The following PLB1 variants were observed in gnomAD, a reference collection of about 807,000 sequenced individuals.
PLB1 encodes phospholipase B1.
In PLB1, 242 loss-of-function variants were observed where a neutral mutation model predicts 227.4. That is an observed-to-expected ratio of 1.06 (90% CI 0.96 to 1.18). The LOEUF (loss-of-function observed/expected upper bound fraction) is 1.18, where lower values mean the gene tolerates loss of function less well. Ranked by LOEUF, PLB1 falls within the 50% of genes most tolerant of loss-of-function variation. The pLI, the probability that PLB1 is intolerant of heterozygous loss-of-function variation, is 0.00. For missense variants in PLB1, 1,858 were observed against 1,816.3 expected (o/e 1.02, Z -0.42); for synonymous variants, 757 against 682.2 (o/e 1.11, Z -1.71).
At chr2:28,499,523 GTT>G (rs112085758) in intron 1 of PLB1, among the ~76,000 whole-genome samples, 5 of 136,714 alleles carry the variant, frequency 3.7e-5, no homozygotes, top group Admixed American at 7.4e-5. Flanking sequence ...CTGCACAACA[GTT>G]TTTTTTTTTT....
chr2:28,613,679 A>G (rs1038984051), intron 43 of PLB1, among the ~76,000 whole-genome samples: 3 of 152,126 alleles, frequency 2.0e-5, no homozygotes, highest in Admixed American at 6.5e-5. Flanking sequence ...CTGGAAGATT[A>G]AAAAAATGCT....
At chr2:28,553,229 G>T (rs1674522067) in intron 17 of PLB1, among the ~76,000 whole-genome samples, 1 of 152,194 alleles carries the variant, frequency 6.6e-6, no homozygotes. Context: ...GTTCTGCAAA[G>T]AACCCAATGT....
chr2:28,519,416 G>GA, intron 3 of PLB1, among the ~76,000 whole-genome samples: 1 of 152,368 alleles, frequency 6.6e-6, no homozygotes, highest in Middle Eastern at 3.4e-3. Context: ...GGGTCCAGGT[G>GA]AGGGGAAAAT....
At chr2:28,581,974 A>C in intron 23 of PLB1, 94 bp from the exon 24 acceptor site, 1 of 1,290,984 alleles carries the variant, frequency 7.7e-7, no homozygotes, top group Non-Finnish European at 1.1e-6. Flanking sequence ...AAAAGAAAAA[A>C]AAAAAAGAAG....
At chr2:28,600,071 C>T (rs373964002) in intron 35 of PLB1, among the ~76,000 whole-genome samples, 26 of 152,174 alleles carry the variant, frequency 1.7e-4, no homozygotes, top group African/African-American at 6.3e-4. Flanking sequence ...CTATACCTGG[C>T]TAATTTTTCT....
intron 17 of PLB1, among the ~76,000 whole-genome samples, chr2:28,562,228 G>A (rs1026576576): frequency 1.4e-4 from 21 of 152,054 alleles, no homozygotes; most frequent in South Asian, 8.3e-4. Flanking sequence ...GTTAATTTTA[G>A]TTATATGAAT....
At chr2:28,582,013 C>T (rs1025984207) in intron 23 of PLB1, 55 bp from the exon 24 acceptor site, 13 of 1,515,882 alleles carry the variant, frequency 8.6e-6, no homozygotes, top group Non-Finnish European at 1.2e-5. Context: ...TAGCCCTGTT[C>T]TGTAGAGAGA....
At chr2:28,592,879 A>G (rs1682219459) in intron 32 of PLB1, 160 bp downstream of exon 32, 3 of 625,118 alleles carry the variant, frequency 4.8e-6, no homozygotes, top group Admixed American at 3.3e-5. Context: ...ATTTGCGGCC[A>G]CTTTCTCAAA....
At chr2:28,597,340 G>T (rs1358175915) in intron 33 of PLB1, among the ~76,000 whole-genome samples, 1 of 150,548 alleles carries the variant, frequency 6.6e-6, no homozygotes, top group Admixed American at 6.6e-5. Flanking sequence ...AGAAGAAAAA[G>T]AACAGTAAAT....
rs1558823901 is a variant in PLB1 at position 28,582,058 on chromosome 2, C to T, written c.1567-10C>T. 6.2e-7 allele frequency: 1 copy of T among 1,611,306 alleles called. No homozygotes were observed. Among genetic ancestry groups the T allele is most frequent in the Non-Finnish European group, 8.5e-7 (1 of 1,177,608 alleles). ...AAATGGTGTTCAAGGGACACTTCCT[C>T]TTCCTGCAGGTCCACTATTCTCCCC... is the stretch of plus-strand genomic sequence containing the variant. On this transcript the variant is annotated splice_polypyrimidine_tract_variant and intron_variant, in intron 23 of 57. Transcript: ENST00000327757.
chr2:28,512,688 C>T lies in PLB1; in HGVS notation c.56-4120C>T, dbSNP rs1372595611. ...TTTGCTCAGTTTTTTTTTCTTTCTT[C>T]TTTTTTTTTTTTTGTTGGCCTGGCA... is the stretch of plus-strand genomic sequence containing the variant. On this transcript the variant is annotated intron_variant, in intron 1 of 57. Coordinates refer to ENST00000327757, the MANE Select transcript of PLB1 (RefSeq NM_153021.5). Among the ~76,000 whole-genome samples, 6 of 143,146 alleles carry T rather than the reference C, an allele frequency of 4.2e-5. No individual in the cohort carries two copies. The East Asian group carries it at 1.2e-3, about 29-fold the overall frequency. The allele number at this position is 143,146 out of a possible 152,430, so 93.9% of individuals were successfully genotyped here.
intron 19 of PLB1, 99 bp from the exon 20 acceptor site, chr2:28,566,697 C>G (rs1277345745): frequency 3.7e-6 from 5 of 1,333,874 alleles, no homozygotes; most frequent in Non-Finnish European, 5.4e-6. Context: ...GGCCCCCGGG[C>G]TGTTTCTCGG....
In PLB1 at chr2:28,630,585, G is replaced by A. The variant is rs1449057384; in HGVS notation, c.3819-1G>A. The A allele has an allele frequency of 6.2e-7, 1 of 1,613,332 alleles. No homozygotes were observed. Among genetic ancestry groups the A allele is most frequent in the East Asian group, 2.2e-5 (1 of 44,872 alleles). On this transcript the variant is annotated splice_acceptor_variant, in intron 53 of 57. Coordinates refer to ENST00000327757, the MANE Select transcript of PLB1 (RefSeq NM_153021.5). LOFTEE classifies it high-confidence loss of function. ...TCAATACAACACTCCCTGTCTCACA[G>A]GAACAACTGCACTTGCCTCAGACAC... is the stretch of plus-strand genomic sequence containing the variant.
At chr2:28,569,672 T>G (rs1337549897) in intron 20 of PLB1, among the ~76,000 whole-genome samples, 4 of 152,040 alleles carry the variant, frequency 2.6e-5, no homozygotes, top group Non-Finnish European at 5.9e-5. Flanking sequence ...CCATAAAAAG[T>G]AGAAAATCTG....
chr2:28,628,463 A>G (rs1688118270), intron 51 of PLB1, 100 bp from the exon 52 acceptor site: 1 of 1,036,228 alleles, frequency 9.7e-7, no homozygotes, highest in Non-Finnish European at 1.5e-6. Flanking sequence ...CTCTGTACCC[A>G]CTCAGTCATT....
chr2:28,529,919 C>A, intron 8 of PLB1, 140 bp downstream of exon 8: 1 of 661,884 alleles, frequency 1.5e-6, no homozygotes, highest in South Asian at 2.0e-5. Context: ...AAAAATGTCT[C>A]TGCCATTCTC....
intron 20 of PLB1, among the ~76,000 whole-genome samples, chr2:28,571,793 A>G (rs929023636): frequency 6.6e-6 from 1 of 152,218 alleles, no homozygotes; most frequent in Non-Finnish European, 1.5e-5. Flanking sequence ...AAATTCACTC[A>G]AAATGAATCA....
Position 28,589,524 on chromosome 2 carries a change from C to G in PLB1, c.1890C>G (p.Phe630Leu). ...REDFTVVVQPFFENVDMPKTS... is the reference protein window; with the variant it reads ...REDFTVVVQPLFENVDMPKTS... ...ATTTTACTGTGGTTGTGCAGCCGTT[C>G]TTTGAAAACGTGGACATGCCAAAGA... Residue 630 changes from phenylalanine (F) to leucine (L), a missense_variant, in exon 27 of 58, where the codon TTC becomes TTG. By Grantham distance (22) the Phe-to-Leu change is conservative. Coordinates refer to ENST00000327757, the MANE Select transcript of PLB1 (RefSeq NM_153021.5). 1 of 1,614,214 alleles carries G rather than the reference C, an allele frequency of 6.2e-7. No homozygotes were observed. The highest frequency in any genetic ancestry group is 8.5e-7 in the Non-Finnish European group (1 of 1,180,032).
chr2:28,626,519 G>C lies in PLB1; in HGVS notation c.3660+11G>C, dbSNP rs770870766. On this transcript the variant is annotated intron_variant, in intron 51 of 57. Coordinates refer to ENST00000327757, the MANE Select transcript of PLB1 (RefSeq NM_153021.5). ...TACTGTGAGAATCCGGTAGGCCCCCGACCAACCCCATGGGGACCTGAGAAG... is the reference window on the plus strand; with the variant it reads ...TACTGTGAGAATCCGGTAGGCCCCCCACCAACCCCATGGGGACCTGAGAAG... 1.2e-6 allele frequency: 2 copies of C among 1,611,922 alleles called. No individual in the cohort carries two copies. Among genetic ancestry groups the C allele is most frequent in the Admixed American group, 3.3e-5 (2 of 60,022 alleles).
Sources: gnomAD v4.1 joint callset for allele counts (sites outside exome capture counted in the v4.1 genomes callset) on GRCh38, gnomAD v4.1.1 for gene constraint, MANE v1.5 for transcripts, NCBI Gene and HGNC (gene_info 2026-07-23, HGNC 2026-07-21) for gene names.